The following TMF1 variants were observed in gnomAD, a reference collection of about 807,000 sequenced individuals.
TMF1 encodes TATA element modulatory factor 1, also known as TATA element modulatory factor.
In TMF1, 71 loss-of-function variants were observed where a neutral mutation model predicts 126.5. That is an observed-to-expected ratio of 0.56 (90% CI 0.46 to 0.68). The LOEUF (loss-of-function observed/expected upper bound fraction) is 0.68, where lower values mean the gene tolerates loss of function less well. TMF1 is among the 30% of genes least tolerant of loss of function. The pLI is 0.00. For missense variants in TMF1, 1,259 were observed against 1,253.2 expected (o/e 1.00, Z -0.07); for synonymous variants, 461 against 430.5 (o/e 1.07, Z -0.88).
rs116364410 is a variant in TMF1 at position 69,038,188 on chromosome 3, T to C, written c.2151+376A>G. Among the ~76,000 whole-genome samples the C allele has an allele frequency of 3.2e-3, 487 of 152,294 alleles. 3 individuals carry two copies. The highest frequency in any genetic ancestry group is 0.011 in the African/African-American group (455 of 41,570). ...TTTGATAAGACAAAGCCTCACAAAT[T>C]TTGTTTTTCCTACTTCATCTGAGGT... is the stretch of plus-strand genomic sequence containing the variant. On this transcript the variant is annotated intron_variant, in intron 8 of 16. Coordinates refer to ENST00000398559, the MANE Select transcript of TMF1 (RefSeq NM_007114.3).
At chr3:69,035,234 A>G (rs2091825658) in intron 8 of TMF1, 119 bp from the exon 9 acceptor site, 7 of 773,738 alleles carry the variant, frequency 9.0e-6, no homozygotes, top group Non-Finnish European at 1.5e-5. Context: ...CATACTCTCC[A>G]ATGAACTTTT....
intron 10 of TMF1, chr3:69,030,422 A>T (rs2091792874): frequency 6.5e-6 from 1 of 153,406 alleles, no homozygotes; most frequent in Non-Finnish European, 1.5e-5. Flanking sequence ...AGTCTTCAGG[A>T]TCTAGAACAA....
At chr3:69,031,293 A>T (rs1012305504) in intron 10 of TMF1, among the ~76,000 whole-genome samples, 2 of 152,178 alleles carry the variant, frequency 1.3e-5, no homozygotes, top group African/African-American at 4.8e-5. Context: ...GGGTAACATT[A>T]AGAGTGATTA....
In TMF1 at chr3:69,037,493, T is replaced by G. The variant is rs536062982; in HGVS notation, c.2151+1071A>C. ...CGTCTCTACTAAAAAAAAACAAAAA[T>G]TAGCCGGGCATGGTGGTGGGCACCT... On this transcript the variant is annotated intron_variant, in intron 8 of 16. Coordinates refer to ENST00000398559, the MANE Select transcript of TMF1 (RefSeq NM_007114.3). Among the ~76,000 whole-genome samples, 93 of 151,438 alleles carry G rather than the reference T, an allele frequency of 6.1e-4. 1 individual carries two copies. Among genetic ancestry groups the G allele is most frequent in the African/African-American group, 2.0e-3 (83 of 41,180 alleles).
Position 69,047,360 on chromosome 3 carries a change from T to G in TMF1, c.1345A>C (p.Lys449Gln). 1.3e-6 allele frequency: 2 copies of G among 1,579,042 alleles called. No individual in the cohort carries two copies. The highest frequency in any genetic ancestry group is 8.6e-7 in the Non-Finnish European group (1 of 1,161,030). Residue 449 changes from lysine to glutamine, a missense_variant and splice_region_variant, in exon 2 of 17, where the codon AAG becomes CAG. Coordinates refer to ENST00000398559, the MANE Select transcript of TMF1 (RefSeq NM_007114.3). ...EALSEKEDVC[K>Q]TVEFLNEKLE... Reference sequence around the variant, plus strand: ...TCCCTTCCACTTACTAGAGTTACCTTGCAAACATCTTCCTTCTCAGAAAGT... The same window carrying G: ...TCCCTTCCACTTACTAGAGTTACCTGGCAAACATCTTCCTTCTCAGAAAGT...
chr3:69,040,497 A>G (rs1269629669), intron 5 of TMF1: 1 of 152,248 alleles, frequency 6.6e-6, no homozygotes, highest in Non-Finnish European at 1.5e-5. Flanking sequence ...ACAAAAGGGT[A>G]GTGTATGTAT....
At chr3:69,045,179 C>T (rs948641333) in intron 2 of TMF1, among the ~76,000 whole-genome samples, 2 of 152,172 alleles carry the variant, frequency 1.3e-5, no homozygotes, top group African/African-American at 4.8e-5. Flanking sequence ...AAAAGTAGGC[C>T]AGGCGCAGTG....
chr3:69,027,620 T>C (rs768005498), intron 13 of TMF1, among the ~76,000 whole-genome samples: 5 of 151,984 alleles, frequency 3.3e-5, no homozygotes, highest in Non-Finnish European at 5.9e-5. Flanking sequence ...TGGGCCTCAT[T>C]TGAAGAACAA....
At position 69,021,005 on chromosome 3, in the gene TMF1, A is replaced by C. The variant is rs2091726279; in HGVS notation, c.*2172T>G. 6.6e-6 allele frequency: 1 copy of C among 152,202 alleles called. No homozygotes were observed. The highest frequency in any genetic ancestry group is 2.1e-4 in the South Asian group (1 of 4,824). The allele number at this position is 152,202 out of a possible 1,614,324, so 9.4% of individuals were successfully genotyped here. On this transcript the variant is annotated 3_prime_UTR_variant, in exon 17 of 17. Transcript: ENST00000398559. The stretch of plus-strand genomic sequence containing the variant: ...ATTTTGTAACTTAAGTTTCATATAG[A>C]GTAGTCTCCCCTTATCCACGATTTT...
At chr3:69,045,313 C>G (rs1207576182) in intron 2 of TMF1, among the ~76,000 whole-genome samples, 4 of 151,826 alleles carry the variant, frequency 2.6e-5, no homozygotes, top group African/African-American at 7.3e-5. Flanking sequence ...CAAAAATTAG[C>G]TGGGCATGGT....
At chr3:69,024,220 ATCT>A in intron 15 of TMF1, 40 bp from the exon 16 acceptor site, 1 of 1,514,500 alleles carries the variant, frequency 6.6e-7, no homozygotes. Context: ...ATCAAAACAT[ATCT>A]TTTTTAATAC....
intron 10 of TMF1, among the ~76,000 whole-genome samples, chr3:69,031,386 T>C (rs182458456): frequency 4.1e-4 from 62 of 152,048 alleles, no homozygotes; most frequent in Non-Finnish European, 7.8e-4. Context: ...ACTATGGTAA[T>C]GGATATGTGG....
chr3:69,051,811 G>A (rs1380423139), intron 1 of TMF1, 134 bp downstream of exon 1: 4 of 1,086,492 alleles, frequency 3.7e-6, no homozygotes, highest in African/African-American at 1.6e-5. Flanking sequence ...CAGCATTAGG[G>A]AACGGGCCGG....
At position 69,052,074 on chromosome 3, in the gene TMF1, T is replaced by C. The variant is rs2091934346; in HGVS notation, c.13A>G (p.Asn5Asp). The part of the protein sequence containing the change: MSWF[N>D]ASQLSSFAKQ... ...GCGAAGCTGGAGAGCTGGGAGGCGT[T>C]GAACCAACTCATCGCCCCTCCTCAG... The change falls in exon 1 of 17, where the codon AAC becomes GAC. Residue 5 changes from asparagine to aspartate, a missense_variant. Physicochemically the swap from Asn to Asp is conservative, Grantham distance 23. Transcript: ENST00000398559. The C allele has an allele frequency of 1.9e-6, 3 of 1,611,706 alleles. No individual in the cohort carries two copies. The highest frequency in any genetic ancestry group is 2.5e-6 in the Non-Finnish European group (3 of 1,179,316).
At chr3:69,031,019 G>A (rs1403444914) in intron 10 of TMF1, among the ~76,000 whole-genome samples, 2 of 151,984 alleles carry the variant, frequency 1.3e-5, no homozygotes, top group African/African-American at 2.4e-5. Flanking sequence ...GCAGTGAATG[G>A]TTAAATATAC....
chr3:69,034,980 C>T, intron 9 of TMF1, 43 bp downstream of exon 9: 1 of 1,520,924 alleles, frequency 6.6e-7, no homozygotes, highest in Non-Finnish European at 9.1e-7. Context: ...TCTAGAAAAA[C>T]ACATACTTCT....
intron 13 of TMF1, among the ~76,000 whole-genome samples, chr3:69,027,058 C>T (rs972657983): frequency 4.6e-5 from 7 of 152,010 alleles, no homozygotes; most frequent in Non-Finnish European, 7.4e-5. Context: ...TGCAGTGATG[C>T]GATCTCGGCT....
chr3:69,051,029 G>C (rs1384605964), intron 1 of TMF1, among the ~76,000 whole-genome samples: 1 of 152,128 alleles, frequency 6.6e-6, no homozygotes, highest in African/African-American at 2.4e-5. Flanking sequence ...GAAATCTTGG[G>C]TCACACATTT....
At chr3:69,033,825 T>C (rs2091817918) in intron 9 of TMF1, 121 bp from the exon 10 acceptor site, 2 of 937,920 alleles carry the variant, frequency 2.1e-6, no homozygotes, top group Non-Finnish European at 3.0e-6. Flanking sequence ...ATAATTTGCT[T>C]TTTAATTATT....
Sources: allele counts gnomAD v4.1 joint callset (sites outside exome capture counted in the v4.1 genomes callset), GRCh38; gene constraint gnomAD v4.1.1; transcripts MANE v1.5; gene names NCBI Gene and HGNC (gene_info 2026-07-23, HGNC 2026-07-21).